The following CELF2 variants were observed in gnomAD, a reference collection of about 807,000 sequenced individuals.
The protein encoded by CELF2 is CUG triplet repeat RNA-binding protein 2.
CELF2 carries 8 observed loss-of-function variants against 62.6 expected under a neutral mutation model. The observed-to-expected ratio is 0.13, with a 90% CI of 0.07 to 0.23. The LOEUF is 0.23. CELF2 is among the 10% of genes least tolerant of loss of function. The probability of loss-of-function intolerance (pLI) is 1.00; values close to 1 mark genes in which losing one functional copy is unlikely to be tolerated. For missense variants in CELF2, 333 were observed against 671.0 expected (o/e 0.50, Z 5.56); for synonymous variants, 258 against 250.0 (o/e 1.03, Z -0.30).
chr10:10,888,653 A>C lies in CELF2; in HGVS notation c.54-31311A>C, dbSNP rs563230401. Among the ~76,000 whole-genome samples the C allele has an allele frequency of 3.3e-5, 5 of 152,290 alleles. No homozygotes were observed. In the East Asian group the frequency reaches 9.6e-4, roughly 29 times the overall value. ...CCTTCTTGGAAAGTCTGCATGCCCC[A>C]GGCTTGAGCAGTGTTTTCATACCTC... On this transcript the variant is annotated intron_variant, in intron 1 of 13. Coordinates refer to the CELF2 transcript ENST00000636488.
the CELF2 span, among the ~76,000 whole-genome samples, chr10:10,675,056 A>G: frequency 6.6e-6 from 1 of 152,074 alleles, no homozygotes; most frequent in Non-Finnish European, 1.5e-5. Flanking sequence ...AAATGTTTTT[A>G]TTTTACCTTT....
At chr10:10,486,291 A>C in the CELF2 span, among the ~76,000 whole-genome samples, 1 of 152,176 alleles carries the variant, frequency 6.6e-6, no homozygotes, top group Non-Finnish European at 1.5e-5. Context: ...AATTAAACCC[A>C]CACAGGAATG....
chr10:10,570,975 C>T, the CELF2 span, among the ~76,000 whole-genome samples: 2 of 152,144 alleles, frequency 1.3e-5, no homozygotes, highest in South Asian at 2.1e-4. Flanking sequence ...CAAAGCCTCA[C>T]TGAAATGAGT....
At chr10:10,529,886 C>T in the CELF2 span, among the ~76,000 whole-genome samples, 1 of 152,154 alleles carries the variant, frequency 6.6e-6, no homozygotes, top group Non-Finnish European at 1.5e-5. Context: ...GTGCCACCAT[C>T]TTTAGGCTGT....
At chr10:11,204,668 T>G (rs1205984682) in intron 2 of CELF2, among the ~76,000 whole-genome samples, 1 of 152,194 alleles carries the variant, frequency 6.6e-6, no homozygotes, top group Non-Finnish European at 1.5e-5. Flanking sequence ...TCTCCTGCGC[T>G]TGATCCCCGT....
intron 1 of CELF2, among the ~76,000 whole-genome samples, chr10:11,144,338 T>G (rs371450597): frequency 6.6e-6 from 1 of 152,224 alleles, no homozygotes; most frequent in African/African-American, 2.4e-5. Context: ...ATTAATCAAT[T>G]TAGCCATGGG....
intron 2 of CELF2, among the ~76,000 whole-genome samples, chr10:11,197,535 C>T (rs2058276815): frequency 6.6e-6 from 1 of 152,234 alleles, no homozygotes. Flanking sequence ...CCTCATACCT[C>T]CAGTGAGAAC....
chr10:10,811,627 T>A (rs1489964766), intron 1 of CELF2, among the ~76,000 whole-genome samples: 4 of 152,138 alleles, frequency 2.6e-5, no homozygotes, highest in African/African-American at 4.8e-5. Flanking sequence ...CCCTATGTAT[T>A]CAATGACCTA....
intron 1 of CELF2, among the ~76,000 whole-genome samples, chr10:10,879,399 A>T (rs2061312410): frequency 6.6e-6 from 1 of 152,106 alleles, no homozygotes; most frequent in Non-Finnish European, 1.5e-5. Context: ...TTAGAACTTG[A>T]CTCCGGCCTA....
the CELF2 span, among the ~76,000 whole-genome samples, chr10:10,602,070 C>A: frequency 6.6e-6 from 1 of 152,194 alleles, no homozygotes; most frequent in Non-Finnish European, 1.5e-5. Context: ...GACATGATCT[C>A]ATTCCTTTTT....
chr10:11,068,690 A>T (rs2068831021), intron 1 of CELF2, among the ~76,000 whole-genome samples: 3 of 151,814 alleles, frequency 2.0e-5, no homozygotes, highest in Non-Finnish European at 4.4e-5. Context: ...CCTCCCGAGT[A>T]GCTGGGGCTA....
At chr10:10,525,565 T>A in the CELF2 span, among the ~76,000 whole-genome samples, 1 of 152,226 alleles carries the variant, frequency 6.6e-6, no homozygotes, top group South Asian at 2.1e-4. Context: ...ACATTTTAGA[T>A]TCTACCTGTA....
the CELF2 span, among the ~76,000 whole-genome samples, chr10:10,649,677 G>C: frequency 6.6e-6 from 1 of 152,170 alleles, no homozygotes; most frequent in East Asian, 1.9e-4. Context: ...ATTCCCTCAT[G>C]CATCTAGAAG....
At chr10:10,748,523 C>A in the CELF2 span, among the ~76,000 whole-genome samples, 1 of 151,726 alleles carries the variant, frequency 6.6e-6, no homozygotes, top group African/African-American at 2.4e-5. Flanking sequence ...CTAAGGTGGG[C>A]GGATCACGAG....
In CELF2 at chr10:11,280,982, C is replaced by CTG. The variant is rs541295992; in HGVS notation, c.841+5867_841+5868dup. 0.016 allele frequency among the ~76,000 whole-genome samples: 1,961 copies of CTG among 119,854 alleles called. 25 individuals are homozygous for CTG. The highest frequency in any genetic ancestry group is 0.04 in the African/African-American group (1,083 of 27,108). The allele number at this position is 119,854 out of a possible 152,430, so 78.6% of individuals were successfully genotyped here. A position where few individuals can be genotyped will look rare whatever the true frequency, so the allele number is the denominator to read the frequency against. ...CTGATGCTGGCGTGCGTGTGCATGCCTGTGTGCGTGTGTGTGTGTGTGTGT... is the reference window on the plus strand; with the variant it reads ...CTGATGCTGGCGTGCGTGTGCATGCCTGTGTGTGCGTGTGTGTGTGTGTGTGT... On this transcript the variant is annotated intron_variant, in intron 8 of 12. Coordinates refer to ENST00000633077, the MANE Select transcript of CELF2 (RefSeq NM_001326342.2). The surrounding 1 kb of genome is among the most constrained non-coding windows in gnomAD (Gnocchi z 7.6).
At chr10:10,914,309 GA>G (rs1366608333) in intron 1 of CELF2, among the ~76,000 whole-genome samples, 1 of 152,164 alleles carries the variant, frequency 6.6e-6, no homozygotes, top group African/African-American at 2.4e-5. Context: ...CACAGAAATA[GA>G]TGGTGTGCTC....
At chr10:10,933,225 C>G (rs1332774832) in intron 2 of CELF2, among the ~76,000 whole-genome samples, 1 of 152,028 alleles carries the variant, frequency 6.6e-6, no homozygotes, top group African/African-American at 2.4e-5. Flanking sequence ...ATCTCTTAAG[C>G]CCAGGAGGTT....
intron 3 of CELF2, among the ~76,000 whole-genome samples, chr10:11,231,910 A>G (rs1442478056): frequency 6.6e-6 from 1 of 152,122 alleles, no homozygotes; most frequent in Non-Finnish European, 1.5e-5. Flanking sequence ...TCATCTCAAT[A>G]TTACATAAAA....
chr10:10,781,205 C>A, the CELF2 span, among the ~76,000 whole-genome samples: 2 of 152,288 alleles, frequency 1.3e-5, no homozygotes, highest in Non-Finnish European at 2.9e-5. Context: ...ATATGAGTGG[C>A]CCCAGCAGAT....
Sources: gnomAD v4.1 joint callset for allele counts (sites outside exome capture counted in the v4.1 genomes callset) on GRCh38, gnomAD v4.1.1 for gene constraint, Gnocchi (gnomAD v3.1) non-coding constraint, MANE v1.5 for transcripts, NCBI Gene and HGNC (gene_info 2026-07-23, HGNC 2026-07-21) for gene names.